ZUP1: variants seen among roughly 807,000 people sequenced by gnomAD.
The protein encoded by ZUP1 is zinc finger-containing ubiquitin peptidase 1.
Under a neutral mutation model 68.1 loss-of-function variants are expected in ZUP1, and 55 were observed. That is an observed-to-expected ratio of 0.81 (90% CI 0.65 to 1.01). ZUP1 has a LOEUF of 1.01. Ranked by LOEUF, ZUP1 falls within the 50% of genes least tolerant of loss-of-function variation. The pLI is 0.00. For synonymous variants in ZUP1, 223 were observed against 221.5 expected (o/e 1.01, Z -0.06); for missense variants, 684 against 674.9 (o/e 1.01, Z -0.15).
chr6:116,658,267 C>T (rs1776727490), intron 4 of ZUP1, among the ~76,000 whole-genome samples: 1 of 152,052 alleles, frequency 6.6e-6, no homozygotes, highest in African/African-American at 2.4e-5. Flanking sequence ...TAAAACCACC[C>T]ACCTAAGATA....
At chr6:116,656,085 T>TCG (rs1562407624) in intron 5 of ZUP1, among the ~76,000 whole-genome samples, 1 of 151,478 alleles carries the variant, frequency 6.6e-6, no homozygotes, top group Non-Finnish European at 1.5e-5. Context: ...TTGTTTTTTT[T>TCG]TTGTTTTTTT....
At position 116,635,802 on chromosome 6, in the gene ZUP1, A is replaced by G. The variant is rs770811869; in HGVS notation, c.*30T>C. 6 of 1,580,338 alleles carry G rather than the reference A, an allele frequency of 3.8e-6. No homozygotes were observed. Among genetic ancestry groups the G allele is most frequent in the East Asian group, 4.5e-5 (2 of 44,286 alleles). ...ATTTAGAAAACAAAGTATTGTTCTC[A>G]ATCACTGAAATGCTTAAATGCTTGA... On this transcript the variant is annotated 3_prime_UTR_variant, in exon 10 of 10. Coordinates refer to ENST00000368576, the MANE Select transcript of ZUP1 (RefSeq NM_145062.3).
At chr6:116,637,160 C>T (rs775089970) in intron 9 of ZUP1, among the ~76,000 whole-genome samples, 2 of 152,240 alleles carry the variant, frequency 1.3e-5, no homozygotes, top group Non-Finnish European at 2.9e-5. Flanking sequence ...TGTATCCTTA[C>T]AGAAGAGGCA....
chr6:116,665,158 A>C (rs1776961972), intron 2 of ZUP1, among the ~76,000 whole-genome samples: 1 of 152,206 alleles, frequency 6.6e-6, no homozygotes. Flanking sequence ...TATACAGTTG[A>C]AAAATGCATG....
Position 116,648,111 on chromosome 6 carries a change from T to C in ZUP1, c.1317-501A>G, listed in dbSNP as rs572523817. Among the ~76,000 whole-genome samples the C allele has an allele frequency of 1.2e-4, 18 of 152,300 alleles. No homozygotes were observed. The South Asian group carries it at 2.9e-3, about 25-fold the overall frequency. On this transcript the variant is annotated intron_variant, in intron 7 of 9. Coordinates refer to ENST00000368576, the MANE Select transcript of ZUP1 (RefSeq NM_145062.3). ...TTCCTGTCGGTCTCTCAAATCTCTA[T>C]AACAGAAAATACTTGTAAATCATAG...
rs374335410 is a variant in ZUP1 at position 116,651,748 on chromosome 6, A to C, written c.1151-11T>G. ...AAGGAATCAACATACCTAAAATTAC[A>C]CAAGCAAACATGTTACATGACTGTT... On this transcript the variant is annotated splice_polypyrimidine_tract_variant and intron_variant, in intron 6 of 9. Coordinates refer to ENST00000368576, the MANE Select transcript of ZUP1 (RefSeq NM_145062.3). 1.4e-5 allele frequency: 23 copies of C among 1,612,540 alleles called. No individual in the cohort carries two copies. The African/African-American group carries it at 3.1e-4, about 22-fold the overall frequency.
intron 9 of ZUP1, 131 bp downstream of exon 9, chr6:116,645,583 C>CAAAAAAAAAAAAAAAAA: frequency 4.7e-6 from 2 of 426,082 alleles, no homozygotes; most frequent in Non-Finnish European, 7.4e-6. Context: ...ACCCTGTCTC[C>CAAAAAAAAAAAAAAAAA]AAAAAAAAAA....
chr6:116,661,575 C>A lies in ZUP1; in HGVS notation c.560-729G>T, dbSNP rs538666062. ...GGAGCAGGAGATTAAAGAGCTGCAT[C>A]CATCACATAGCACTGCAGGCAGACA... On this transcript the variant is annotated intron_variant, in intron 2 of 9. Transcript: ENST00000368576. Among the ~76,000 whole-genome samples the A allele has an allele frequency of 3.1e-4, 47 of 152,264 alleles. 1 individual carries two copies. In the South Asian group the frequency reaches 3.7e-3, roughly 12 times the overall value.
chr6:116,667,173 C>A lies in ZUP1; in HGVS notation c.20G>T (p.Cys7Phe). 1.3e-6 allele frequency: 2 copies of A among 1,585,626 alleles called. No individual in the cohort carries two copies. The highest frequency in any genetic ancestry group is 1.2e-5 in the South Asian group (1 of 86,544). MLSCNI[C>F]GETVTSEPDM... ...TGGTTCTGAGGTTACTGTTTCACCA[C>A]AAATATTACAGGAAAGCATGGTATT... Residue 7 changes from cysteine to phenylalanine, a missense_variant, in exon 2 of 10, where the codon TGT becomes TTT. Physicochemically the swap from Cys to Phe is radical, Grantham distance 205 (BLOSUM62 -2). Coordinates refer to ENST00000368576, the MANE Select transcript of ZUP1 (RefSeq NM_145062.3).
At chr6:116,660,664 T>A (rs1562410533) in intron 3 of ZUP1, 72 bp downstream of exon 3, 6 of 818,310 alleles carry the variant, frequency 7.3e-6, no homozygotes, top group Non-Finnish European at 1.1e-5. Flanking sequence ...ATATCACAAA[T>A]CTAAAAATTA....
chr6:116,657,585 A>C (rs1387046524), intron 4 of ZUP1, among the ~76,000 whole-genome samples: 20 of 152,224 alleles, frequency 1.3e-4, no homozygotes, highest in Non-Finnish European at 2.9e-5. Flanking sequence ...CATTCTAAGC[A>C]ACAATACTCA....
At chr6:116,662,364 C>T (rs998211927) in intron 2 of ZUP1, among the ~76,000 whole-genome samples, 2 of 152,016 alleles carry the variant, frequency 1.3e-5, no homozygotes, top group Non-Finnish European at 1.5e-5. Flanking sequence ...TTAGACCACA[C>T]TACACCTCAT....
In ZUP1 at chr6:116,645,761, A is replaced by C. The variant is rs756655393; in HGVS notation, c.1642T>G (p.Tyr548Asp). 1.9e-6 allele frequency: 3 copies of C among 1,613,866 alleles called. No individual in the cohort carries two copies. The South Asian group carries it at 3.3e-5, about 18-fold the overall frequency. Residue 548 changes from tyrosine (Y) to aspartate (D), a missense_variant, in exon 9 of 10, where the codon TAC becomes GAC. Physicochemically the swap from Tyr to Asp is radical, Grantham distance 160. Transcript: ENST00000368576. ...KSMGNLKHKQ[Y>D]QILAVEGALS... The stretch of plus-strand genomic sequence containing the variant: ...GCACCCTCTACTGCCAATATCTGGT[A>C]TTGCTTATGTTTTAAATTTCCCATA...
At chr6:116,650,674 T>C (rs1444495253) in intron 7 of ZUP1, among the ~76,000 whole-genome samples, 12 of 152,128 alleles carry the variant, frequency 7.9e-5, no homozygotes, top group Admixed American at 7.9e-4. Flanking sequence ...AAGCTATGAA[T>C]CAAGGTTAGG....
chr6:116,661,023 C>T (rs1250884886), intron 2 of ZUP1, among the ~76,000 whole-genome samples, 177 bp from the exon 3 acceptor site: 4 of 151,572 alleles, frequency 2.6e-5, no homozygotes, highest in Non-Finnish European at 5.9e-5. Flanking sequence ...GGGCTAAAGG[C>T]ATGCGCCACC....
At position 116,636,359 on chromosome 6, in the gene ZUP1, A is replaced by C. The variant is rs371949344; in HGVS notation, c.1690-480T>G. Among the ~76,000 whole-genome samples, 16 of 152,316 alleles carry C rather than the reference A, an allele frequency of 1.1e-4. No homozygotes were observed. In the East Asian group the frequency reaches 2.9e-3, roughly 28 times the overall value. On this transcript the variant is annotated intron_variant, in intron 9 of 9. Transcript: ENST00000368576. ...AAACCAAGCTAAATTAAGTTAAATC[A>C]AGCTGAGAATACAAGGATGACACGA...
rs762036306 is a variant in ZUP1 at position 116,666,968 on chromosome 6, G to A, written c.225C>T (p.Asn75=). The A allele has an allele frequency of 1.9e-6, 3 of 1,613,486 alleles. No individual in the cohort carries two copies. The highest frequency in any genetic ancestry group is 2.5e-6 in the Non-Finnish European group (3 of 1,179,822). The change falls in exon 2 of 10, where the codon AAC becomes AAT. Residue 75 remains asparagine, a synonymous_variant. Transcript: ENST00000368576. ...CACACTGTAGGGTGTTGTCTTTCTT[G>A]TTATCTGAAGTTCCATATTGTACTG... ...INTVQYGTSD[N]KKDNTLQCGM...
At chr6:116,661,719 T>C (rs1776847678) in intron 2 of ZUP1, among the ~76,000 whole-genome samples, 2 of 152,042 alleles carry the variant, frequency 1.3e-5, no homozygotes, top group Admixed American at 6.6e-5. Flanking sequence ...TAGAGCAATC[T>C]GTATATGTAA....
chr6:116,652,917 C>T (rs572048479), intron 5 of ZUP1, among the ~76,000 whole-genome samples: 1 of 152,208 alleles, frequency 6.6e-6, no homozygotes, highest in African/African-American at 2.4e-5. Context: ...ACTCTTCTTG[C>T]TGTAATTTTG....
Sources: gnomAD v4.1 joint callset for allele counts (sites outside exome capture counted in the v4.1 genomes callset) on GRCh38, gnomAD v4.1.1 for gene constraint, MANE v1.5 for transcripts, NCBI Gene and HGNC (gene_info 2026-07-23, HGNC 2026-07-21) for gene names.